Variants in MACROD2 observed in about 807,000 individuals in gnomAD.
The protein encoded by MACROD2 is ADP-ribose glycohydrolase MACROD2.
Under a neutral mutation model 70.4 loss-of-function variants are expected in MACROD2, and 36 were observed. The observed-to-expected ratio is 0.51, with a 90% CI of 0.39 to 0.68. MACROD2 has a LOEUF of 0.68. MACROD2 is among the 30% of genes least tolerant of loss of function. The probability of loss-of-function intolerance (pLI) is 0.00; values close to 1 mark genes in which losing one functional copy is unlikely to be tolerated. For synonymous variants in MACROD2, 172 were observed against 178.8 expected (o/e 0.96, Z 0.30); for missense variants, 496 against 538.4 (o/e 0.92, Z 0.78).
intron 5 of MACROD2, among the ~76,000 whole-genome samples, chr20:15,091,678 G>T (rs2123166237): frequency 6.6e-6 from 1 of 152,108 alleles, no homozygotes; most frequent in South Asian, 2.1e-4. Context: ...AAAATAGGTG[G>T]TCTTTTTCAA....
At chr20:14,038,275 C>G (rs2053344938) in intron 2 of MACROD2, among the ~76,000 whole-genome samples, 3 of 148,250 alleles carry the variant, frequency 2.0e-5, no homozygotes. Flanking sequence ...GCCTGGGCCA[C>G]AGAGTGAGAG....
At chr20:15,830,714 C>G (rs1377924292) in intron 8 of MACROD2, among the ~76,000 whole-genome samples, 1 of 152,166 alleles carries the variant, frequency 6.6e-6, no homozygotes, top group African/African-American at 2.4e-5. Flanking sequence ...TACTGGATAT[C>G]AAATTCTCTA....
chr20:14,082,915 T>C (rs2148667538), intron 2 of MACROD2, among the ~76,000 whole-genome samples: 1 of 152,306 alleles, frequency 6.6e-6, no homozygotes, highest in South Asian at 2.1e-4. Flanking sequence ...GATGTGGAAC[T>C]CAAGGACTTG....
chr20:14,343,336 C>G (rs921197416), intron 3 of MACROD2, among the ~76,000 whole-genome samples: 1 of 151,916 alleles, frequency 6.6e-6, no homozygotes, highest in African/African-American at 2.4e-5. Flanking sequence ...TTCTATGTGG[C>G]CCTGAGAAAA....
At chr20:15,420,601 G>GA (rs11482824) in intron 6 of MACROD2, among the ~76,000 whole-genome samples, 66,476 of 151,744 alleles carry the variant, frequency 0.44, 14,660 homozygotes, top group African/African-American at 0.47. Context: ...ATGCGATGGG[G>GA]AAAAAAATTG....
At chr20:14,864,741 G>C (rs1161872431) in intron 5 of MACROD2, among the ~76,000 whole-genome samples, 2 of 151,940 alleles carry the variant, frequency 1.3e-5, no homozygotes, top group Non-Finnish European at 2.9e-5. Flanking sequence ...GGCTCTGAAG[G>C]TTACCTTTTT....
chr20:15,148,620 T>A (rs543934883), intron 5 of MACROD2, among the ~76,000 whole-genome samples: 13 of 151,342 alleles, frequency 8.6e-5, no homozygotes, highest in African/African-American at 3.2e-4. Context: ...AGATGACAAG[T>A]TTTTTGGGGC....
intron 3 of MACROD2, among the ~76,000 whole-genome samples, chr20:14,169,785 T>A (rs1362180032): frequency 1.3e-5 from 2 of 152,158 alleles, no homozygotes; most frequent in Non-Finnish European, 2.9e-5. Flanking sequence ...TTCCTATTAT[T>A]ATTTTGAATA....
intron 4 of MACROD2, among the ~76,000 whole-genome samples, chr20:14,680,298 A>T (rs6034007): frequency 0.64 from 97,056 of 151,986 alleles, 31,715 homozygotes; most frequent in African/African-American, 0.76. Context: ...AATAACTGAG[A>T]AAATAATTCA....
intron 2 of MACROD2, among the ~76,000 whole-genome samples, chr20:14,005,294 A>C (rs190612476): frequency 6.6e-6 from 1 of 152,302 alleles, no homozygotes; most frequent in African/African-American, 2.4e-5. Context: ...CCCAAAAAAC[A>C]AAAACCCCAT....
At chr20:14,749,460 T>G (rs1377995965) in intron 5 of MACROD2, among the ~76,000 whole-genome samples, 1 of 152,070 alleles carries the variant, frequency 6.6e-6, no homozygotes, top group East Asian at 1.9e-4. Flanking sequence ...GATCTCTAAG[T>G]GTGTATCACC....
intron 6 of MACROD2, among the ~76,000 whole-genome samples, chr20:15,333,565 T>C (rs1177308155): frequency 6.6e-6 from 1 of 151,398 alleles, no homozygotes; most frequent in Non-Finnish European, 1.5e-5. Context: ...AGCCATCGAG[T>C]CTGAAGTCAT....
chr20:15,613,506 CAAG>C (rs1044781972), intron 8 of MACROD2, among the ~76,000 whole-genome samples: 12 of 152,110 alleles, frequency 7.9e-5, no homozygotes, highest in South Asian at 4.1e-4. Context: ...TTAATTGAAA[CAAG>C]AAGGTTTTTG....
At chr20:14,177,964 T>G (rs997857062) in intron 3 of MACROD2, among the ~76,000 whole-genome samples, 3 of 152,140 alleles carry the variant, frequency 2.0e-5, no homozygotes, top group African/African-American at 7.2e-5. Context: ...TAACTCTGAC[T>G]TAAAATCAGA....
intron 12 of MACROD2, among the ~76,000 whole-genome samples, chr20:15,959,187 T>G (rs1013640584): frequency 1.3e-5 from 2 of 152,232 alleles, no homozygotes; most frequent in Non-Finnish European, 2.9e-5. Flanking sequence ...GTAAGTTTTT[T>G]ACAGCATTTT....
chr20:15,190,337 C>T (rs532768216), intron 5 of MACROD2, among the ~76,000 whole-genome samples: 10 of 152,198 alleles, frequency 6.6e-5, no homozygotes, highest in East Asian at 3.9e-4. Flanking sequence ...GGATGTGAGA[C>T]GTGTAGTTAA....
At chr20:14,411,909 A>G (rs1227286502) in intron 3 of MACROD2, among the ~76,000 whole-genome samples, 1 of 152,172 alleles carries the variant, frequency 6.6e-6, no homozygotes, top group Non-Finnish European at 1.5e-5. Flanking sequence ...TCTTAAAACC[A>G]GTGGAAGACG....
At chr20:14,376,247 A>C (rs949093063) in intron 3 of MACROD2, among the ~76,000 whole-genome samples, 2 of 152,076 alleles carry the variant, frequency 1.3e-5, no homozygotes, top group African/African-American at 2.4e-5. Context: ...TCTACTTCCT[A>C]TGCCTTTTTA....
At chr20:14,047,219 G>A (rs2053491342) in intron 2 of MACROD2, among the ~76,000 whole-genome samples, 1 of 152,070 alleles carries the variant, frequency 6.6e-6, no homozygotes, top group South Asian at 2.1e-4. Flanking sequence ...GGCCGAGGTA[G>A]GCGGATCACA....
Sources: gnomAD v4.1 joint callset for allele counts (sites outside exome capture counted in the v4.1 genomes callset) on GRCh38, gnomAD v4.1.1 for gene constraint, MANE v1.5 for transcripts, NCBI Gene and HGNC (gene_info 2026-07-23, HGNC 2026-07-21) for gene names.